Variants in AMOTL1 observed in about 807,000 individuals in gnomAD.
AMOTL1 encodes the protein angiomotin-like protein 1.
A neutral mutation model predicts 102.9 loss-of-function variants in AMOTL1; 45 were observed. That is an observed-to-expected ratio of 0.44 (90% CI 0.34 to 0.56). The LOEUF (loss-of-function observed/expected upper bound fraction) is 0.56, where lower values mean the gene tolerates loss of function less well. Among genes scored for constraint, AMOTL1 ranks in the 20% least tolerant of loss-of-function variants. The pLI is 0.01. For missense variants in AMOTL1, 1,114 were observed against 1,225.6 expected (o/e 0.91, Z 1.36); for synonymous variants, 481 against 484.7 (o/e 0.99, Z 0.10).
chr11:94,799,106 T>C lies in AMOTL1; in HGVS notation c.200-284T>C, dbSNP rs1951419074. ...GAAAGACTTGGGTATATTTATGTGATGAAGAGAAAGGACCGGTGGGGAGAT... is the reference window on the plus strand; with the variant it reads ...GAAAGACTTGGGTATATTTATGTGACGAAGAGAAAGGACCGGTGGGGAGAT... On this transcript the variant is annotated intron_variant, in intron 2 of 12. Transcript: ENST00000433060. This position sits in a 1 kb window ranked among gnomAD's most constrained non-coding sequence, Gnocchi z 4.5. 6.6e-6 allele frequency among the ~76,000 whole-genome samples: 1 copy of C among 151,838 alleles called. No individual in the cohort carries two copies. The highest frequency in any genetic ancestry group is 1.5e-5 in the Non-Finnish European group (1 of 67,954).
upstream of AMOTL1, among the ~76,000 whole-genome samples, chr11:94,766,208 T>G (rs72971749): frequency 0.026 from 3,944 of 152,380 alleles, 76 homozygotes; most frequent in Non-Finnish European, 0.039. Context: ...TTATCACCTC[T>G]GTCAACCTCA....
At chr11:94,839,909 T>C (rs1044414276) in intron 6 of AMOTL1, among the ~76,000 whole-genome samples, 3 of 152,224 alleles carry the variant, frequency 2.0e-5, no homozygotes, top group African/African-American at 7.2e-5. Context: ...TACTAATGTA[T>C]TCAGATCTTC....
At chr11:94,844,896 C>T (rs1952376761) in intron 6 of AMOTL1, among the ~76,000 whole-genome samples, 1 of 152,218 alleles carries the variant, frequency 6.6e-6, no homozygotes, top group Non-Finnish European at 1.5e-5. Context: ...AGTAGCTGGA[C>T]TCCTCTATCT....
In AMOTL1 at chr11:94,809,580, G is replaced by T. The variant is rs553817501; in HGVS notation, c.1121+9269G>T. Among the ~76,000 whole-genome samples the T allele has an allele frequency of 1.8e-3, 276 of 152,340 alleles. 2 individuals carry two copies. The highest frequency in any genetic ancestry group is 6.5e-3 in the African/African-American group (270 of 41,578). On this transcript the variant is annotated intron_variant, in intron 3 of 12. Transcript: ENST00000433060. ...CTCCGAAGAGGAAGGGCAATCCAAGGGTGGTGCTTCTTGCCTTTCTTCTAT... is the reference window on the plus strand; with the variant it reads ...CTCCGAAGAGGAAGGGCAATCCAAGTGTGGTGCTTCTTGCCTTTCTTCTAT...
Position 94,800,151 on chromosome 11 carries a change from A to G in AMOTL1, c.961A>G (p.Met321Val). 2 of 1,613,876 alleles carry G rather than the reference A, an allele frequency of 1.2e-6. No individual in the cohort carries two copies. Among genetic ancestry groups the G allele is most frequent in the Non-Finnish European group, 1.7e-6 (2 of 1,179,864 alleles). The change falls in exon 3 of 13, where the codon ATG becomes GTG. Residue 321 changes from methionine (M) to valine (V), a missense_variant. Physicochemically the swap from Met to Val is conservative, Grantham distance 21. Transcript: ENST00000433060. ...GTACCCCTTCAAGACCAAGCAAATG[A>G]TGTCCCCAGTCAGCAAGACCCAGGA... ...PEYPFKTKQM[M>V]SPVSKTQEHG...
chr11:94,713,563 T>G (rs2135431739), intron 1 of AMOTL1, among the ~76,000 whole-genome samples: 1 of 152,040 alleles, frequency 6.6e-6, no homozygotes, highest in Non-Finnish European at 1.5e-5. Flanking sequence ...AATGAATATT[T>G]TATAATTTTC....
intron 6 of AMOTL1, among the ~76,000 whole-genome samples, chr11:94,840,270 C>CAG (rs1299548239): frequency 6.6e-6 from 1 of 152,162 alleles, no homozygotes; most frequent in Non-Finnish European, 1.5e-5. Context: ...TGAGAGCCTA[C>CAG]AGCTGTATCT....
rs575267043 is a variant in AMOTL1, at chr11:94,833,095, T to G, written c.1648+1554T>G. Among the ~76,000 whole-genome samples the G allele has an allele frequency of 3.3e-5, 5 of 152,362 alleles. No homozygotes were observed. In the South Asian group the frequency reaches 8.3e-4, roughly 25 times the overall value. On this transcript the variant is annotated intron_variant, in intron 6 of 12. Coordinates refer to ENST00000433060, the MANE Select transcript of AMOTL1 (RefSeq NM_130847.3). ...AGGCCCTTCCAGCTTGACAAGGAAT[T>G]ATTTGTTCTGTGCAAATATGCTCCA...
At chr11:94,806,770 A>G (rs186002776) in intron 3 of AMOTL1, among the ~76,000 whole-genome samples, 5 of 152,288 alleles carry the variant, frequency 3.3e-5, no homozygotes, top group Admixed American at 3.3e-4. Flanking sequence ...ACTTCTGTAA[A>G]CAGGAGGGTT....
intron 6 of AMOTL1, among the ~76,000 whole-genome samples, chr11:94,839,202 C>T (rs1006318514): frequency 1.3e-5 from 2 of 152,200 alleles, no homozygotes; most frequent in African/African-American, 4.8e-5. Flanking sequence ...GGTTTGCTCC[C>T]CAGTTTCCAT....
In AMOTL1 at chr11:94,799,110, G is replaced by A. The variant is rs1467687907; in HGVS notation, c.200-280G>A. 6.6e-6 allele frequency among the ~76,000 whole-genome samples: 1 copy of A among 152,030 alleles called. No homozygotes were observed. Among genetic ancestry groups the A allele is most frequent in the African/African-American group, 2.4e-5 (1 of 41,378 alleles). On this transcript the variant is annotated intron_variant, in intron 2 of 12. Transcript: ENST00000433060. This position sits in a 1 kb window ranked among gnomAD's most constrained non-coding sequence, Gnocchi z 4.5. ...GACTTGGGTATATTTATGTGATGAA[G>A]AGAAAGGACCGGTGGGGAGATTAGA...
At chr11:94,743,836 T>C (rs1950559427) in intron 3 of AMOTL1, among the ~76,000 whole-genome samples, 2 of 151,924 alleles carry the variant, frequency 1.3e-5, no homozygotes, top group African/African-American at 2.4e-5. Context: ...TTTTTGGAAA[T>C]TTAGTAGAGA....
At chr11:94,782,577 G>A (rs1951129034) in intron 1 of AMOTL1, among the ~76,000 whole-genome samples, 1 of 152,184 alleles carries the variant, frequency 6.6e-6, no homozygotes, top group African/African-American at 2.4e-5. Context: ...AGATTTTAAT[G>A]TAATACAGTA....
In AMOTL1 at chr11:94,800,090, AG is replaced by A; in HGVS notation, c.902del (p.Gly301ValfsTer20). On this transcript the variant is annotated frameshift_variant, in exon 3 of 13. Coordinates refer to ENST00000433060, the MANE Select transcript of AMOTL1 (RefSeq NM_130847.3). LOFTEE classifies it high-confidence loss of function. The part of the protein sequence containing the change: ...GGGPSPAQPA[G>X]KVLDPRGPPP... ...GGGGGCCCTCCCCTGCCCAGCCTGC[AG>A]GTAAAGTGCTGGACCCTCGGGGTCC... 6.2e-7 allele frequency: 1 copy of A among 1,613,948 alleles called. No individual in the cohort carries two copies. The highest frequency in any genetic ancestry group is 8.5e-7 in the Non-Finnish European group (1 of 1,179,830).
At chr11:94,858,191 G>A (rs1038670103) in intron 8 of AMOTL1, among the ~76,000 whole-genome samples, 2 of 152,120 alleles carry the variant, frequency 1.3e-5, no homozygotes, top group Non-Finnish European at 2.9e-5. Flanking sequence ...GTCTCATCTC[G>A]CTGGACTGGT....
chr11:94,752,152 GCTCT>G (rs960325836), intron 3 of AMOTL1, among the ~76,000 whole-genome samples: 1 of 151,938 alleles, frequency 6.6e-6, no homozygotes, highest in African/African-American at 2.4e-5. Context: ...TTCATGGTTT[GCTCT>G]CTCTCTCCTG....
At chr11:94,792,273 G>T (rs931298419) in intron 1 of AMOTL1, among the ~76,000 whole-genome samples, 1 of 152,130 alleles carries the variant, frequency 6.6e-6, no homozygotes, top group Non-Finnish European at 1.5e-5. Flanking sequence ...TGAACAATGA[G>T]AACACTTGGA....
chr11:94,872,436 CAA>C lies in AMOTL1; in HGVS notation c.*1642_*1643del, dbSNP rs1188775386. On this transcript the variant is annotated 3_prime_UTR_variant, in exon 13 of 13. Transcript: ENST00000433060. Reference sequence around the variant, plus strand: ...CCAAGTACCTTCTAAATGAAACACTCAAGAGAGTGCTACTCAGGAAACTTTGC... The same window carrying C: ...CCAAGTACCTTCTAAATGAAACACTCGAGAGTGCTACTCAGGAAACTTTGC... The C allele has an allele frequency of 6.6e-6, 1 of 152,226 alleles. No individual in the cohort carries two copies. The highest frequency in any genetic ancestry group is 1.5e-5 in the Non-Finnish European group (1 of 68,076). The allele number at this position is 152,226 out of a possible 1,614,324, so 9.4% of individuals were successfully genotyped here. A position where few individuals can be genotyped will look rare whatever the true frequency, so the allele number is the denominator to read the frequency against.
At chr11:94,771,260 G>T (rs924451334) in intron 1 of AMOTL1, among the ~76,000 whole-genome samples, 10 of 9,482 alleles carry the variant, frequency 1.1e-3, no homozygotes, top group African/African-American at 1.8e-3. Flanking sequence ...TGGCGGGGTT[G>T]GGGGGGGGGT....
Sources: allele counts gnomAD v4.1 joint callset (sites outside exome capture counted in the v4.1 genomes callset), GRCh38; gene constraint gnomAD v4.1.1; non-coding constraint Gnocchi (gnomAD v3.1); transcripts MANE v1.5; gene names NCBI Gene and HGNC (gene_info 2026-07-23, HGNC 2026-07-21).